Variants in MYSM1 observed in about 807,000 individuals in gnomAD.
The protein encoded by MYSM1 is deubiquitinase MYSM1.
In MYSM1, 51 loss-of-function variants were observed where a neutral mutation model predicts 116.0. The ratio of observed to expected loss-of-function variants is 0.44; its 90% CI spans 0.35 to 0.56. MYSM1 has a LOEUF of 0.56. Among genes scored for constraint, MYSM1 ranks in the 20% least tolerant of loss-of-function variants. MYSM1 has a pLI of 0.00. For synonymous variants in MYSM1, 313 were observed against 315.2 expected (o/e 0.99, Z 0.07); for missense variants, 900 against 974.9 (o/e 0.92, Z 1.02).
intron 8 of MYSM1, among the ~76,000 whole-genome samples, chr1:58,680,390 G>A (rs2100644281): frequency 6.6e-6 from 1 of 152,294 alleles, no homozygotes; most frequent in Non-Finnish European, 1.5e-5. Context: ...AATCAAGTAA[G>A]ATGATGTAGC....
intron 19 of MYSM1, 71 bp from the exon 20 acceptor site, chr1:58,660,226 C>G: frequency 2.0e-6 from 2 of 982,094 alleles, no homozygotes; most frequent in Non-Finnish European, 2.8e-6. Context: ...ATCACTATTT[C>G]GTCCCTTTCC....
intron 6 of MYSM1, among the ~76,000 whole-genome samples, chr1:58,688,012 G>C (rs1433128948): frequency 3.3e-5 from 5 of 151,622 alleles, no homozygotes; most frequent in Non-Finnish European, 7.4e-5. Flanking sequence ...CTTTGATAAG[G>C]GGCAAAACAC....
chr1:58,672,119 G>A (rs1032947456), intron 11 of MYSM1, among the ~76,000 whole-genome samples, 161 bp from the exon 12 acceptor site: 3 of 152,134 alleles, frequency 2.0e-5, no homozygotes, highest in Middle Eastern at 3.2e-3. Flanking sequence ...AGACTGGACA[G>A]TATTTTTAAA....
chr1:58,662,334 T>C (rs1049247267), intron 17 of MYSM1, among the ~76,000 whole-genome samples: 13 of 152,158 alleles, frequency 8.5e-5, no homozygotes, highest in Admixed American at 5.2e-4. Flanking sequence ...AGCATTTTTT[T>C]AAAAGCTCAG....
chr1:58,668,283 T>C (rs1644504928), intron 14 of MYSM1: 1 of 389,698 alleles, frequency 2.6e-6, no homozygotes, highest in Non-Finnish European at 4.2e-6. Flanking sequence ...ACAAAAACTG[T>C]TGGAGGTATC....
chr1:58,661,277 A>G, intron 18 of MYSM1, 50 bp from the exon 19 acceptor site: 1 of 1,448,952 alleles, frequency 6.9e-7, no homozygotes, highest in Non-Finnish European at 9.7e-7. Context: ...ACTATAAACT[A>G]ATCAGTTTCA....
chr1:58,674,020 C>T (rs1282694674), intron 10 of MYSM1, among the ~76,000 whole-genome samples: 1 of 152,126 alleles, frequency 6.6e-6, no homozygotes, highest in Admixed American at 6.5e-5. Flanking sequence ...GGAGCTAAAA[C>T]ACTATGACAA....
rs149159708 is a variant in MYSM1, at chr1:58,694,692, C to T, written c.147+437G>A. Among the ~76,000 whole-genome samples, 593 of 151,436 alleles carry T rather than the reference C, an allele frequency of 3.9e-3. 4 individuals are homozygous for T. The highest frequency in any genetic ancestry group is 0.014 in the African/African-American group (567 of 41,268). On this transcript the variant is annotated intron_variant, in intron 2 of 19. Coordinates refer to ENST00000472487, the MANE Select transcript of MYSM1 (RefSeq NM_001085487.3). ...CCCATTTTTTTTTTCTCTTTGAGAC[C>T]GGGTCTCATTCTGTTGCCCAGGTTG...
At chr1:58,669,659 C>A (rs1644526273) in intron 12 of MYSM1, among the ~76,000 whole-genome samples, 1 of 151,466 alleles carries the variant, frequency 6.6e-6, no homozygotes, top group South Asian at 2.1e-4. Context: ...AAACCCCACC[C>A]CTACAAAAGA....
chr1:58,670,677 C>G (rs662989), intron 12 of MYSM1, among the ~76,000 whole-genome samples: 8,833 of 152,134 alleles, frequency 0.058, 803 homozygotes, highest in African/African-American at 0.2. Flanking sequence ...AAGATATATG[C>G]GTTAATTGTG....
Position 58,665,600 on chromosome 1 carries a change from A to G in MYSM1, c.2063T>C (p.Ile688Thr). Residue 688 changes from isoleucine (I) to threonine (T), a missense_variant, in exon 17 of 20, where the codon ATT becomes ACT. Physicochemically the swap from Ile to Thr is moderately conservative, Grantham distance 89 (BLOSUM62 -1). Coordinates refer to ENST00000472487, the MANE Select transcript of MYSM1 (RefSeq NM_001085487.3). ...SYFSRGGAKF[I>T]GMIVSPYNRN... ...ATTATAGGGACTAACAATCATCCCAATGAACTTTGCACCTCCTCTGGAGAA... is the reference window on the plus strand; with the variant it reads ...ATTATAGGGACTAACAATCATCCCAGTGAACTTTGCACCTCCTCTGGAGAA... 4 of 1,577,712 alleles carry G rather than the reference A, an allele frequency of 2.5e-6. No homozygotes were observed. Among genetic ancestry groups the G allele is most frequent in the Non-Finnish European group, 3.5e-6 (4 of 1,148,422 alleles).
chr1:58,662,115 C>A (rs912191891), intron 17 of MYSM1, among the ~76,000 whole-genome samples: 2 of 151,952 alleles, frequency 1.3e-5, no homozygotes, highest in African/African-American at 4.8e-5. Flanking sequence ...CCTAGAAGAG[C>A]TAATCTAAGA....
rs917643030 is a variant in MYSM1, at chr1:58,659,899, C to A, written c.*98G>T. 20 of 803,204 alleles carry A rather than the reference C, an allele frequency of 2.5e-5. No homozygotes were observed. Among genetic ancestry groups the A allele is most frequent in the Non-Finnish European group, 3.1e-5 (17 of 546,276 alleles). The allele number at this position is 803,204 out of a possible 1,614,324, so 49.8% of individuals were successfully genotyped here. A position where few individuals can be genotyped will look rare whatever the true frequency, so the allele number is the denominator to read the frequency against. Reference sequence around the variant, plus strand: ...GATTTTGTGAAATAGAGAAAAAATACCAAAGCTGTGCCAATGTTAACTACA... The same window carrying A: ...GATTTTGTGAAATAGAGAAAAAATAACAAAGCTGTGCCAATGTTAACTACA... On this transcript the variant is annotated 3_prime_UTR_variant, in exon 20 of 20. Transcript: ENST00000472487.
Position 58,676,715 on chromosome 1 carries a change from A to G in MYSM1, c.1390+211T>C, listed in dbSNP as rs567302685. The G allele has an allele frequency of 1.5e-4, 49 of 335,640 alleles. No homozygotes were observed. In the South Asian group the frequency reaches 1.6e-3, roughly 11 times the overall value. 20.8% of individuals were successfully genotyped at this position (335,640 alleles called of 1,614,324 possible). ...TACTTAGATTGAATATTTTACCTTT[A>G]AAGTTACACTCTCAATTTTCAGTGT... On this transcript the variant is annotated intron_variant, in intron 9 of 19. Transcript: ENST00000472487.
Position 58,671,976 on chromosome 1 carries a change from T to G in MYSM1, c.1573-18A>C, listed in dbSNP as rs372109612. 1 of 1,599,386 alleles carries G rather than the reference T, an allele frequency of 6.3e-7. No homozygotes were observed. Among genetic ancestry groups the G allele is most frequent in the East Asian group, 2.2e-5 (1 of 44,720 alleles). The stretch of plus-strand genomic sequence containing the variant: ...GAGAGATGCTAAAACAAAATGCCAA[T>G]TGATTAAGGAGTCCATCATCTACTA... On this transcript the variant is annotated intron_variant, in intron 11 of 19. Coordinates refer to ENST00000472487, the MANE Select transcript of MYSM1 (RefSeq NM_001085487.3).
In MYSM1 at chr1:58,659,187, A is replaced by G. The variant is rs1470825693; in HGVS notation, c.*810T>C. 1 of 152,140 alleles carries G rather than the reference A, an allele frequency of 6.6e-6. No homozygotes were observed. The highest frequency in any genetic ancestry group is 1.5e-5 in the Non-Finnish European group (1 of 68,004). The allele number at this position is 152,140 out of a possible 1,614,324, so 9.4% of individuals were successfully genotyped here. A position where few individuals can be genotyped will look rare whatever the true frequency, so the allele number is the denominator to read the frequency against. On this transcript the variant is annotated 3_prime_UTR_variant, in exon 20 of 20. Transcript: ENST00000472487. Reference sequence around the variant, plus strand: ...ATCTCTGATTTATTCCAGCTTTATTATCATTTGCCTCTTTCTCCTAGTAGT... The same window carrying G: ...ATCTCTGATTTATTCCAGCTTTATTGTCATTTGCCTCTTTCTCCTAGTAGT...
chr1:58,687,150 G>A (rs1203485443), intron 6 of MYSM1, among the ~76,000 whole-genome samples: 3 of 151,910 alleles, frequency 2.0e-5, no homozygotes, highest in African/African-American at 4.8e-5. Flanking sequence ...TTTATCAATG[G>A]TTTAAAAAAA....
intron 7 of MYSM1, 86 bp from the exon 8 acceptor site, chr1:58,682,631 G>C: frequency 1.6e-6 from 2 of 1,261,878 alleles, no homozygotes; most frequent in South Asian, 3.4e-5. Flanking sequence ...TAAATATACA[G>C]TGTTATTAAA....
intron 3 of MYSM1, 176 bp downstream of exon 3, chr1:58,692,685 C>A: frequency 2.0e-6 from 1 of 488,578 alleles, no homozygotes; most frequent in Non-Finnish European, 3.6e-6. Context: ...TACAGTAAAA[C>A]AGAACCTGAG....
Sources: gnomAD v4.1 joint callset for allele counts (sites outside exome capture counted in the v4.1 genomes callset) on GRCh38, gnomAD v4.1.1 for gene constraint, MANE v1.5 for transcripts, NCBI Gene and HGNC (gene_info 2026-07-23, HGNC 2026-07-21) for gene names.